Variants in FMN2 observed in about 807,000 individuals in gnomAD.
FMN2 encodes the protein formin-2.
Under a neutral mutation model 142.3 loss-of-function variants are expected in FMN2, and 51 were observed. That is an observed-to-expected ratio of 0.36 (90% confidence interval 0.29 to 0.45). The LOEUF is 0.45. Ranked by LOEUF, FMN2 falls within the 20% of genes least tolerant of loss-of-function variation. FMN2 has a pLI of 1.00. For missense variants in FMN2, 1,936 were observed against 2,122.8 expected, an observed-to-expected ratio of 0.91 and a Z score of 1.73; for synonymous variants, 882 against 869.8, an observed-to-expected ratio of 1.01 and a Z score of -0.25.
intron 7 of FMN2, among the ~76,000 whole-genome samples, chr1:240,276,946 A>G (rs952169857): frequency 1.3e-5 from 2 of 152,182 alleles, no homozygotes; most frequent in Non-Finnish European, 2.9e-5. Context: ...CACTGGGGAA[A>G]TTGCATTTCC....
intron 16 of FMN2, 113 bp downstream of exon 16, chr1:240,438,323 C>T (rs532826560): frequency 2.2e-5 from 26 of 1,167,846 alleles, no homozygotes; most frequent in Middle Eastern, 5.8e-4. Context: ...GCCCTCAACC[C>T]GGGGTAGCAA....
At position 240,208,727 on chromosome 1, in the gene FMN2, T is replaced by G; in HGVS notation, c.3915T>G (p.Ser1305Arg). ...PLYWTRIQLH[S>R]KRDSSTSLIW... ...ACTGGACCAGGATTCAACTACATAG[T>G]AAAAGGTAACATGAAAGTGAGCTCG... is the stretch of plus-strand genomic sequence containing the variant. Residue 1305 changes from serine (S) to arginine (R), a missense_variant, in exon 5 of 18, where the codon AGT becomes AGG. Coordinates refer to ENST00000319653, the MANE Select transcript of FMN2 (RefSeq NM_020066.5). The G allele has an allele frequency of 6.2e-7, 1 of 1,604,930 alleles. No individual in the cohort carries two copies. Among genetic ancestry groups the G allele is most frequent in the Non-Finnish European group, 8.5e-7 (1 of 1,172,892 alleles).
At chr1:240,248,918 ATTATTTAT>A (rs534068342) in intron 6 of FMN2, among the ~76,000 whole-genome samples, 10 of 151,908 alleles carry the variant, frequency 6.6e-5, no homozygotes, top group Non-Finnish European at 1.2e-4. Context: ...AAGGAGATGA[ATTATTTAT>A]TTATTTATTT....
At chr1:240,167,334 C>A (rs1664521618) in intron 2 of FMN2, among the ~76,000 whole-genome samples, 1 of 135,018 alleles carries the variant, frequency 7.4e-6, no homozygotes, top group Non-Finnish European at 1.6e-5. Context: ...GACACCCAGG[C>A]TGAAGTACAG....
chr1:240,252,240 C>T (rs1428682947), intron 6 of FMN2, among the ~76,000 whole-genome samples: 1 of 151,934 alleles, frequency 6.6e-6, no homozygotes. Flanking sequence ...CTTTGTATAT[C>T]CTTTCTTCCT....
intron 6 of FMN2, among the ~76,000 whole-genome samples, chr1:240,247,743 G>T (rs1293568576): frequency 6.6e-6 from 1 of 152,062 alleles, no homozygotes; most frequent in Admixed American, 6.6e-5. Context: ...TCAGAGTGAT[G>T]GTTCCTACTC....
At chr1:240,322,240 C>A (rs72766267) in intron 8 of FMN2, among the ~76,000 whole-genome samples, 1,600 of 152,154 alleles carry the variant, frequency 0.011, 10 homozygotes, top group Non-Finnish European at 0.016. Context: ...AGTTGAGGAC[C>A]CTCTGTAATC....
Position 240,172,201 on chromosome 1 carries a change from T to TACACACAC in FMN2, c.1783-5710_1783-5703dup, listed in dbSNP as rs138951858. Among the ~76,000 whole-genome samples, 521 of 147,206 alleles carry TACACACAC rather than the reference T, an allele frequency of 3.5e-3. 5 individuals carry two copies. Among genetic ancestry groups the TACACACAC allele is most frequent in the African/African-American group, 0.011 (432 of 37,882 alleles). On this transcript the variant is annotated intron_variant, in intron 2 of 17. Transcript: ENST00000319653. The stretch of plus-strand genomic sequence containing the variant: ...ATTTGTGAAATATTACACATACACA[T>TACACACAC]ACACACACACACACACAGAAAAAGA...
intron 14 of FMN2, among the ~76,000 whole-genome samples, chr1:240,365,275 A>T (rs1672630861): frequency 8.0e-6 from 1 of 124,942 alleles, no homozygotes. Context: ...ATATATATAC[A>T]TACATATGTG....
chr1:240,121,128 G>A (rs1004851666), intron 1 of FMN2, among the ~76,000 whole-genome samples: 1 of 151,762 alleles, frequency 6.6e-6, no homozygotes, highest in African/African-American at 2.4e-5. Flanking sequence ...GCCACTGCGC[G>A]GGTGACAGCG....
intron 6 of FMN2, among the ~76,000 whole-genome samples, chr1:240,247,242 C>T (rs1240099601): frequency 6.6e-6 from 1 of 152,148 alleles, no homozygotes; most frequent in Non-Finnish European, 1.5e-5. Flanking sequence ...GTGGCTCAAG[C>T]TTGTAATCTC....
chr1:240,178,283 C>T (rs554072455), intron 3 of FMN2, among the ~76,000 whole-genome samples: 1 of 152,024 alleles, frequency 6.6e-6, no homozygotes, highest in African/African-American at 2.4e-5. Context: ...TGAGATCAGC[C>T]TCAGGTTTAT....
At chr1:240,129,504 C>T (rs1275944355) in intron 2 of FMN2, among the ~76,000 whole-genome samples, 1 of 139,808 alleles carries the variant, frequency 7.2e-6, no homozygotes, top group African/African-American at 2.8e-5. Context: ...CCTGCTGATG[C>T]CTTTTTTTTT....
At chr1:240,467,223 A>G (rs1676651038) in intron 16 of FMN2, among the ~76,000 whole-genome samples, 1 of 152,040 alleles carries the variant, frequency 6.6e-6, no homozygotes, top group Non-Finnish European at 1.5e-5. Flanking sequence ...GCACATTACA[A>G]CAGTGAAGTG....
At chr1:240,288,113 C>CT (rs1237841320) in intron 7 of FMN2, among the ~76,000 whole-genome samples, 5 of 152,160 alleles carry the variant, frequency 3.3e-5, no homozygotes, top group South Asian at 4.1e-4. Context: ...CTGTTTTAGC[C>CT]TTTCAGCATT....
At chr1:240,144,324 G>C in intron 2 of FMN2, 15 of 1,606,502 alleles carry the variant, frequency 9.3e-6, no homozygotes, top group Non-Finnish European at 8.5e-7. Flanking sequence ...TTCTCTAGGT[G>C]GGTTTTGTAG....
In FMN2 at chr1:240,220,666, T is replaced by TG. The variant is rs1491093720; in HGVS notation, c.4065+9431_4065+9432insG. Reference sequence around the variant, plus strand: ...GAAGCTTCACTGGCATGAGTCTGTGTTTGTGTGTGTGTGTGTGTGTGTGTG... The same window carrying TG: ...GAAGCTTCACTGGCATGAGTCTGTGTGTTGTGTGTGTGTGTGTGTGTGTGTG... On this transcript the variant is annotated intron_variant, in intron 6 of 17. Transcript: ENST00000319653. Among the ~76,000 whole-genome samples the TG allele has an allele frequency of 3.3e-3, 369 of 112,132 alleles. 3 individuals carry two copies. In the South Asian group the frequency reaches 0.036, roughly 11 times the overall value. The allele number at this position is 112,132 out of a possible 152,430, so 73.6% of individuals were successfully genotyped here. A position where few individuals can be genotyped will look rare whatever the true frequency, so the allele number is the denominator to read the frequency against.
At chr1:240,380,820 C>T (rs1037959651) in intron 14 of FMN2, among the ~76,000 whole-genome samples, 6 of 149,326 alleles carry the variant, frequency 4.0e-5, no homozygotes, top group African/African-American at 7.4e-5. Flanking sequence ...CTCTTTGAAA[C>T]GATAAACAAA....
chr1:240,250,664 A>G (rs1257084677), intron 6 of FMN2, among the ~76,000 whole-genome samples: 2 of 151,810 alleles, frequency 1.3e-5, no homozygotes, highest in African/African-American at 4.8e-5. Flanking sequence ...TTTGAGGAAA[A>G]TTAGTGTTCT....
Sources: gnomAD v4.1 joint callset for allele counts (sites outside exome capture counted in the v4.1 genomes callset) on GRCh38, gnomAD v4.1.1 for gene constraint, MANE v1.5 for transcripts, NCBI Gene and HGNC (gene_info 2026-07-23, HGNC 2026-07-21) for gene names.